The following CORIN variants were observed in gnomAD, a reference collection of about 807,000 sequenced individuals.
The protein encoded by CORIN is corin, serine peptidase.
A neutral mutation model predicts 125.3 loss-of-function variants in CORIN; 117 were observed. The ratio of observed to expected loss-of-function variants is 0.93; its 90% CI spans 0.80 to 1.09. The LOEUF (loss-of-function observed/expected upper bound fraction) is 1.09, where lower values mean the gene tolerates loss of function less well. CORIN is among the 50% of genes least tolerant of loss of function. The probability of loss-of-function intolerance (pLI) is 0.00; values close to 1 mark genes in which losing one functional copy is unlikely to be tolerated. For missense variants in CORIN, 1,253 were observed against 1,306.7 expected, an observed-to-expected ratio of 0.96 and a Z score of 0.63; for synonymous variants, 450 against 466.4, an observed-to-expected ratio of 0.96 and a Z score of 0.45.
rs1732944220 is a variant in CORIN, at chr4:47,830,660, A to G, written c.63+7227T>C. 2.0e-5 allele frequency among the ~76,000 whole-genome samples: 3 copies of G among 152,202 alleles called. No individual in the cohort carries two copies. In the South Asian group the frequency reaches 6.2e-4, roughly 32 times the overall value. On this transcript the variant is annotated intron_variant, in intron 1 of 21. Coordinates refer to ENST00000273857, the MANE Select transcript of CORIN (RefSeq NM_006587.4). The stretch of plus-strand genomic sequence containing the variant: ...TGTATAGTTGAATTCTCATACATTA[A>G]AGCTATTTAGGTCTAGCTATGGCTT...
At chr4:47,732,413 C>T (rs568932063) in intron 5 of CORIN, among the ~76,000 whole-genome samples, 2 of 152,246 alleles carry the variant, frequency 1.3e-5, no homozygotes, top group Non-Finnish European at 2.9e-5. Context: ...GTAACAGATA[C>T]TGTCAGTTTC....
chr4:47,804,907 C>T (rs1013124083), intron 2 of CORIN, among the ~76,000 whole-genome samples: 27 of 151,446 alleles, frequency 1.8e-4, no homozygotes, highest in African/African-American at 5.6e-4. Flanking sequence ...GAGGCCGAGA[C>T]GGGTGGATCA....
At chr4:47,701,697 T>A (rs949810774) in intron 5 of CORIN, among the ~76,000 whole-genome samples, 9 of 150,890 alleles carry the variant, frequency 6.0e-5, no homozygotes, top group Non-Finnish European at 2.9e-5. Flanking sequence ...AAGTTTTTTT[T>A]AAAAGGCAGA....
chr4:47,778,096 C>T (rs1009556799), intron 3 of CORIN, among the ~76,000 whole-genome samples: 1 of 152,074 alleles, frequency 6.6e-6, no homozygotes, highest in African/African-American at 2.4e-5. Context: ...TGTTAACATG[C>T]TACTGTTTTG....
chr4:47,798,852 C>T (rs770502951), intron 2 of CORIN, among the ~76,000 whole-genome samples: 1 of 149,784 alleles, frequency 6.7e-6, no homozygotes, highest in African/African-American at 2.5e-5. Context: ...CTCCATAGTC[C>T]CCAGTTGTCT....
chr4:47,811,139 A>T (rs1732045612), intron 1 of CORIN, among the ~76,000 whole-genome samples: 1 of 152,184 alleles, frequency 6.6e-6, no homozygotes, highest in Non-Finnish European at 1.5e-5. Flanking sequence ...ACCTATATTT[A>T]TCCATGCACT....
At chr4:47,630,478 C>T (rs1448272493) in intron 16 of CORIN, among the ~76,000 whole-genome samples, 1 of 152,120 alleles carries the variant, frequency 6.6e-6, no homozygotes, top group African/African-American at 2.4e-5. Flanking sequence ...AAAATTTAAG[C>T]ATCAAAGTCA....
At chr4:47,668,722 T>C (rs1249750681) in intron 10 of CORIN, among the ~76,000 whole-genome samples, 1 of 152,232 alleles carries the variant, frequency 6.6e-6, no homozygotes, top group African/African-American at 2.4e-5. Flanking sequence ...AATTTTTCTC[T>C]TTTTTACATG....
intron 16 of CORIN, among the ~76,000 whole-genome samples, chr4:47,631,754 A>G (rs1016976352): frequency 6.6e-6 from 1 of 152,178 alleles, no homozygotes; most frequent in Admixed American, 6.5e-5. Flanking sequence ...CCCTAGGGGC[A>G]AAGTCACCCC....
In CORIN at chr4:47,724,514, T is replaced by C. The variant is rs190370535; in HGVS notation, c.799+19888A>G. On this transcript the variant is annotated intron_variant, in intron 5 of 21. Coordinates refer to ENST00000273857, the MANE Select transcript of CORIN (RefSeq NM_006587.4). ...AGTTTTCTAAATCAAAAGAAAGATA[T>C]AAATTTAGACTCAAGAACCTAAATC... Among the ~76,000 whole-genome samples the C allele has an allele frequency of 2.0e-3, 312 of 152,216 alleles. No homozygotes were observed. In the Middle Eastern group the frequency reaches 0.024, roughly 12 times the overall value.
intron 19 of CORIN, among the ~76,000 whole-genome samples, chr4:47,607,677 AAAG>A (rs1184004467): frequency 7.2e-5 from 11 of 152,194 alleles, no homozygotes; most frequent in Admixed American, 2.6e-4. Context: ...CAAGTGCTAA[AAAG>A]AAGGAGTCAG....
chr4:47,605,142 C>T (rs1470258276), intron 19 of CORIN, among the ~76,000 whole-genome samples: 1 of 152,174 alleles, frequency 6.6e-6, no homozygotes, highest in African/African-American at 2.4e-5. Flanking sequence ...CCCCAGCCAA[C>T]CTGTCTCACC....
chr4:47,655,086 T>C (rs183218054), intron 12 of CORIN, among the ~76,000 whole-genome samples: 64 of 152,196 alleles, frequency 4.2e-4, no homozygotes, highest in African/African-American at 1.4e-3. Context: ...GGGAACCCAC[T>C]GCCTTGAAGA....
intron 21 of CORIN, among the ~76,000 whole-genome samples, chr4:47,596,214 G>T (rs1721241334): frequency 6.6e-6 from 1 of 152,026 alleles, no homozygotes; most frequent in South Asian, 2.1e-4. Flanking sequence ...TTTTTAAAAA[G>T]TATCAGAACT....
chr4:47,680,261 T>A lies in CORIN; in HGVS notation c.1022-10A>T. The A allele has an allele frequency of 1.9e-6, 3 of 1,605,438 alleles. No individual in the cohort carries two copies. In the East Asian group the frequency reaches 6.7e-5, roughly 36 times the overall value. On this transcript the variant is annotated splice_polypyrimidine_tract_variant and intron_variant, in intron 7 of 21. Transcript: ENST00000273857. ...GTTGTGGGATTGCAATCTGGAGAAA[T>A]GAAAACTCACGAGGATGCAGAGAAC...
At chr4:47,686,774 G>A (rs2109729498) in intron 6 of CORIN, among the ~76,000 whole-genome samples, 1 of 152,296 alleles carries the variant, frequency 6.6e-6, no homozygotes. Flanking sequence ...TCGCCCAGAG[G>A]ATGGGGGACA....
intron 5 of CORIN, among the ~76,000 whole-genome samples, chr4:47,733,745 C>T (rs1031107942): frequency 2.4e-4 from 36 of 152,274 alleles, no homozygotes; most frequent in Admixed American, 1.8e-3. Context: ...AAACCTCTGA[C>T]GAACAGTTCC....
chr4:47,696,331 G>C (rs1157269267), intron 5 of CORIN, among the ~76,000 whole-genome samples: 2 of 152,064 alleles, frequency 1.3e-5, no homozygotes, highest in African/African-American at 4.8e-5. Flanking sequence ...ATTCTAAGAG[G>C]TATATGTTGG....
intron 5 of CORIN, among the ~76,000 whole-genome samples, chr4:47,701,702 G>A (rs1726301331): frequency 6.6e-6 from 1 of 151,618 alleles, no homozygotes; most frequent in Non-Finnish European, 1.5e-5. Context: ...TTTTTTAAAA[G>A]GCAGAGTAAA....
Sources: gnomAD v4.1 joint callset for allele counts (sites outside exome capture counted in the v4.1 genomes callset) on GRCh38, gnomAD v4.1.1 for gene constraint, MANE v1.5 for transcripts, NCBI Gene and HGNC (gene_info 2026-07-23, HGNC 2026-07-21) for gene names.